The following GLI3 variants were observed in gnomAD, a reference collection of about 807,000 sequenced individuals.
GLI3 encodes the protein transcription activator GLI3.
A neutral mutation model predicts 100.8 loss-of-function variants in GLI3; 20 were observed. The ratio of observed to expected loss-of-function variants is 0.20; its 90% CI spans 0.14 to 0.29. GLI3 has a LOEUF of 0.29. Among genes scored for constraint, GLI3 ranks in the 10% least tolerant of loss-of-function variants. The pLI is 1.00. For synonymous variants in GLI3, 938 were observed against 860.5 expected (o/e 1.09, Z -1.58); for missense variants, 2,040 against 2,128.5 (o/e 0.96, Z 0.82).
At chr7:42,196,220 C>T (rs6463093) in intron 2 of GLI3, among the ~76,000 whole-genome samples, 3,855 of 152,258 alleles carry the variant, frequency 0.025, 179 homozygotes, top group African/African-American at 0.088. Flanking sequence ...AAGGGACCTA[C>T]CTCTCAATGC....
chr7:42,046,989 C>G (rs1280256020), intron 5 of GLI3, among the ~76,000 whole-genome samples: 1 of 152,046 alleles, frequency 6.6e-6, no homozygotes, highest in East Asian at 1.9e-4. Flanking sequence ...AACGCTGTCT[C>G]TACAAAAAAT....
intron 2 of GLI3, among the ~76,000 whole-genome samples, chr7:42,178,409 A>G (rs1030504707): frequency 6.6e-6 from 1 of 152,182 alleles, no homozygotes; most frequent in Non-Finnish European, 1.5e-5. Flanking sequence ...GGTACTGACC[A>G]TTCTGGAATA....
intron 3 of GLI3, chr7:42,113,546 G>T: frequency 8.4e-7 from 1 of 1,189,322 alleles, no homozygotes. Context: ...TGGCAAGGAG[G>T]GGAATAACCC....
chr7:42,039,107 A>C (rs942719406), intron 7 of GLI3, among the ~76,000 whole-genome samples: 1 of 152,252 alleles, frequency 6.6e-6, no homozygotes, highest in Non-Finnish European at 1.5e-5. Flanking sequence ...AGGGGAAATG[A>C]GAGTTTAAAG....
rs765034545 is a variant in GLI3, at chr7:41,967,777, C to T, written c.2250G>A (p.Met750Ile). Residue 750 changes from methionine to isoleucine, a missense_variant, in exon 14 of 15, where the codon ATG (methionine) becomes ATA (isoleucine). This residue lies in a region of GLI3 where 327 missense variants were observed against 338.7 expected (regional missense o/e 0.97). Coordinates refer to ENST00000395925, the MANE Select transcript of GLI3 (RefSeq NM_000168.6). Reference protein sequence around the residue: ...DLSAIDETPIMDSTISTATTA... With the variant: ...DLSAIDETPIIDSTISTATTA... ...TGGTTGCAGTGGAAATGGTTGAGTC[C>T]ATGATTGGGGTTTCATCGATGGCAC... 6.2e-7 allele frequency: 1 copy of T among 1,614,172 alleles called. No homozygotes were observed. The highest frequency in any genetic ancestry group is 8.5e-7 in the Non-Finnish European group (1 of 1,180,042).
intron 1 of GLI3, among the ~76,000 whole-genome samples, chr7:42,248,975 C>G (rs895128802): frequency 6.6e-6 from 1 of 151,970 alleles, no homozygotes; most frequent in Non-Finnish European, 1.5e-5. Flanking sequence ...GTCCTGGGCT[C>G]AAGAGACCCA....
rs1414499616 is a variant in GLI3, at chr7:42,237,106, C to T, written c.-178G>A. 1.4e-5 allele frequency: 2 copies of T among 147,170 alleles called. No homozygotes were observed. Among genetic ancestry groups the T allele is most frequent in the East Asian group, 2.0e-4 (1 of 5,060 alleles). 9.1% of individuals were successfully genotyped at this position (147,170 alleles called of 1,614,324 possible). On this transcript the variant is annotated 5_prime_UTR_variant, in exon 1 of 15. Transcript: ENST00000395925. ...GCGGCCGGGCTGGGCGCGGGGTGCG[C>T]CCGCCGCGGGCATGGTGCGGCGCGG... is the stretch of plus-strand genomic sequence containing the variant.
intron 3 of GLI3, among the ~76,000 whole-genome samples, chr7:42,093,621 C>A (rs1014865129): frequency 6.6e-6 from 1 of 152,054 alleles, no homozygotes; most frequent in Admixed American, 6.5e-5. Context: ...ATTTGGTAAA[C>A]CTCAAATGCC....
intron 5 of GLI3, among the ~76,000 whole-genome samples, chr7:42,047,579 A>T (rs1784269554): frequency 6.6e-6 from 1 of 152,186 alleles, no homozygotes; most frequent in African/African-American, 2.4e-5. Flanking sequence ...GTGAATTCCT[A>T]TGTGTGCGTG....
chr7:42,123,557 C>T (rs1166192763), intron 3 of GLI3, among the ~76,000 whole-genome samples: 3 of 152,168 alleles, frequency 2.0e-5, no homozygotes, highest in African/African-American at 7.2e-5. Flanking sequence ...TTAGGCACAA[C>T]ACTTGAGAAA....
chr7:42,073,610 T>C (rs1333828931), intron 4 of GLI3, among the ~76,000 whole-genome samples: 1 of 152,238 alleles, frequency 6.6e-6, no homozygotes, highest in Non-Finnish European at 1.5e-5. Flanking sequence ...CCTCTTTCAA[T>C]AGAATCTTTA....
chr7:42,041,401 G>C (rs868193604), intron 6 of GLI3, among the ~76,000 whole-genome samples: 5 of 152,332 alleles, frequency 3.3e-5, no homozygotes, highest in African/African-American at 4.8e-5. Flanking sequence ...ACACAGAGAT[G>C]AATGTGGCCC....
intron 1 of GLI3, among the ~76,000 whole-genome samples, chr7:42,256,843 A>G (rs182916795): frequency 6.6e-6 from 1 of 152,318 alleles, no homozygotes; most frequent in East Asian, 1.9e-4. Context: ...GATAAGGGTT[A>G]TCTTCAATTT....
chr7:42,219,067 T>C (rs1461315403), intron 2 of GLI3, among the ~76,000 whole-genome samples: 1 of 152,234 alleles, frequency 6.6e-6, no homozygotes, highest in African/African-American at 2.4e-5. Context: ...TATGAAGTAA[T>C]GCATCTACAT....
At chr7:42,231,020 A>G (rs772274698) in intron 1 of GLI3, among the ~76,000 whole-genome samples, 2 of 152,218 alleles carry the variant, frequency 1.3e-5, no homozygotes, top group Non-Finnish European at 2.9e-5. Context: ...TGAGGCTTAT[A>G]GGAATTAAAA....
intron 2 of GLI3, among the ~76,000 whole-genome samples, chr7:42,161,459 C>T (rs1251569081): frequency 6.6e-6 from 1 of 152,104 alleles, no homozygotes; most frequent in Non-Finnish European, 1.5e-5. Context: ...TCTGACCTAC[C>T]TTGTCTCAGG....
rs766006873 is a variant in GLI3 at position 42,117,983 on chromosome 7, C to T, written c.367+30243G>A. The stretch of plus-strand genomic sequence containing the variant: ...CGGTAAAATTCATTATCTAACACTG[C>T]AAGTGAAGTTATCAGAATATACTTG... On this transcript the variant is annotated intron_variant, in intron 3 of 14. Transcript: ENST00000395925. Among the ~76,000 whole-genome samples the T allele has an allele frequency of 5.5e-4, 83 of 152,166 alleles. 1 individual carries two copies. Among genetic ancestry groups the T allele is most frequent in the Admixed American group, 2.2e-3 (33 of 15,276 alleles).
At chr7:42,028,526 G>A (rs546791993) in intron 7 of GLI3, among the ~76,000 whole-genome samples, 2 of 152,310 alleles carry the variant, frequency 1.3e-5, no homozygotes, top group South Asian at 4.1e-4. Context: ...CACTTTGGGA[G>A]GTTGAGGCGG....
intron 3 of GLI3, among the ~76,000 whole-genome samples, chr7:42,083,492 A>G (rs1293782702): frequency 6.6e-6 from 1 of 152,200 alleles, no homozygotes; most frequent in African/African-American, 2.4e-5. Flanking sequence ...ATACTGCCAT[A>G]CTTATTTGTT....
Sources: allele counts gnomAD v4.1 joint callset (sites outside exome capture counted in the v4.1 genomes callset), GRCh38; gene constraint gnomAD v4.1.1; regional missense constraint gnomAD v4.1.1; transcripts MANE v1.5; gene names NCBI Gene and HGNC (gene_info 2026-07-23, HGNC 2026-07-21).